The following TENM2 variants were observed in gnomAD, a reference collection of about 807,000 sequenced individuals.
The protein encoded by TENM2 is teneurin-2.
TENM2 carries 52 observed loss-of-function variants against 245.2 expected under a neutral mutation model. That is an observed-to-expected ratio of 0.21 (90% CI 0.17 to 0.27). TENM2 has a LOEUF of 0.27. Among genes scored for constraint, TENM2 ranks in the 10% least tolerant of loss-of-function variants. The pLI is 1.00. For missense variants in TENM2, 3,046 were observed against 3,666.8 expected, an observed-to-expected ratio of 0.83 and a Z score of 4.37; for synonymous variants, 1,363 against 1,438.9, an observed-to-expected ratio of 0.95 and a Z score of 1.19.
chr5:167,767,047 T>A (rs995452781), intron 2 of TENM2, among the ~76,000 whole-genome samples: 1 of 152,214 alleles, frequency 6.6e-6, no homozygotes. Context: ...CACTTTTGTA[T>A]GTATACTTGT....
At chr5:167,221,189 C>T in the TENM2 span, among the ~76,000 whole-genome samples, 1 of 152,142 alleles carries the variant, frequency 6.6e-6, no homozygotes, top group East Asian at 1.9e-4. Flanking sequence ...ATGGTCCCTG[C>T]CTTTTGGGGG....
At chr5:167,847,341 G>C (rs73370925) in intron 2 of TENM2, among the ~76,000 whole-genome samples, 1,567 of 152,246 alleles carry the variant, frequency 0.01, 31 homozygotes, top group African/African-American at 0.035. Flanking sequence ...CACCCACAGT[G>C]AACTCACTTC....
At chr5:167,332,055 A>G (rs1430395889) in intron 1 of TENM2, among the ~76,000 whole-genome samples, 1 of 152,164 alleles carries the variant, frequency 6.6e-6, no homozygotes, top group African/African-American at 2.4e-5. Context: ...CCAACGGGCA[A>G]TTTGTTCAAA....
At position 167,837,229 on chromosome 5, in the gene TENM2, T is replaced by G. The variant is rs536432693; in HGVS notation, c.503-38757T>G. The stretch of plus-strand genomic sequence containing the variant: ...ATTGGTTATTTAAGCATTCCACCCC[T>G]GTTGGATATTAAATTTCTTGGTTTC... On this transcript the variant is annotated intron_variant, in intron 2 of 28. Coordinates refer to ENST00000518659, the Ensembl canonical transcript of TENM2. 3.3e-5 allele frequency among the ~76,000 whole-genome samples: 5 copies of G among 152,320 alleles called. No homozygotes were observed. In the South Asian group the frequency reaches 1.0e-3, roughly 32 times the overall value.
intron 2 of TENM2, among the ~76,000 whole-genome samples, chr5:167,651,085 A>G (rs1158873795): frequency 6.6e-6 from 1 of 151,960 alleles, no homozygotes; most frequent in African/African-American, 2.4e-5. Context: ...ATGTCATCCT[A>G]CTTGAAGTGT....
intron 2 of TENM2, among the ~76,000 whole-genome samples, chr5:167,508,076 G>A (rs1171099674): frequency 1.3e-5 from 2 of 152,090 alleles, no homozygotes; most frequent in African/African-American, 4.8e-5. Flanking sequence ...GAAACGAAAG[G>A]CAGATGTAAT....
At chr5:167,209,368 A>T in the TENM2 span, among the ~76,000 whole-genome samples, 2 of 151,548 alleles carry the variant, frequency 1.3e-5, no homozygotes, top group African/African-American at 4.9e-5. Flanking sequence ...GGTTCAAGCG[A>T]TTCTCCTGCC....
At chr5:167,247,840 G>A in the TENM2 span, among the ~76,000 whole-genome samples, 2 of 152,042 alleles carry the variant, frequency 1.3e-5, no homozygotes, top group South Asian at 2.1e-4. Context: ...TTTTCTGAAG[G>A]AACATGAAAT....
At chr5:167,062,514 T>G in the TENM2 span, among the ~76,000 whole-genome samples, 1 of 121,894 alleles carries the variant, frequency 8.2e-6, no homozygotes, top group Non-Finnish European at 1.7e-5. Flanking sequence ...AAAAAAAAAA[T>G]CTGTGTCTGG....
chr5:167,837,135 C>T (rs924492769), intron 2 of TENM2, among the ~76,000 whole-genome samples: 1 of 151,988 alleles, frequency 6.6e-6, no homozygotes, highest in Non-Finnish European at 1.5e-5. Flanking sequence ...ATATATTTCT[C>T]ACATGATTTA....
exon 5 of TENM2, chr5:167,992,986 C>A: frequency 1.2e-6 from 2 of 1,613,982 alleles, no homozygotes; most frequent in Non-Finnish European, 1.7e-6. Flanking sequence ...CACCCTTGTT[C>A]AGCAGCTCTT....
chr5:167,628,504 G>C (rs1308873089), intron 2 of TENM2, among the ~76,000 whole-genome samples: 1 of 152,106 alleles, frequency 6.6e-6, no homozygotes, highest in Non-Finnish European at 1.5e-5. Flanking sequence ...TACTGTGATA[G>C]TGTTCTACCT....
chr5:168,216,965 C>T, intron 22 of TENM2, 43 bp downstream of exon 24: 2 of 1,605,812 alleles, frequency 1.2e-6, no homozygotes, highest in Non-Finnish European at 8.5e-7. Flanking sequence ...AACACCTGCC[C>T]CTTGGCCTGA....
At chr5:167,148,921 A>G in the TENM2 span, among the ~76,000 whole-genome samples, 1 of 152,224 alleles carries the variant, frequency 6.6e-6, no homozygotes, top group Admixed American at 6.5e-5. Context: ...GAAGAGTGGT[A>G]GGCTTGTGAG....
chr5:168,005,547 G>T (rs1001930457), intron 5 of TENM2, among the ~76,000 whole-genome samples: 3 of 152,164 alleles, frequency 2.0e-5, no homozygotes, highest in African/African-American at 7.2e-5. Context: ...CCAGCTGATT[G>T]AGAAGATACC....
chr5:167,530,921 T>C (rs1445689228), intron 2 of TENM2, among the ~76,000 whole-genome samples: 7 of 152,154 alleles, frequency 4.6e-5, no homozygotes, highest in African/African-American at 9.7e-5. Context: ...CTCTTCCGTC[T>C]GAGTGGAGGA....
At chr5:167,863,880 T>A (rs1006117452) in intron 2 of TENM2, among the ~76,000 whole-genome samples, 1 of 152,170 alleles carries the variant, frequency 6.6e-6, no homozygotes, top group Non-Finnish European at 1.5e-5. Context: ...GAACAATTGT[T>A]CAGGGAGGGT....
intron 2 of TENM2, among the ~76,000 whole-genome samples, chr5:167,454,667 C>T (rs750241621): frequency 3.9e-5 from 6 of 152,250 alleles, no homozygotes; most frequent in South Asian, 2.1e-4. Context: ...TCCACTCAAC[C>T]GTTGGTTCTA....
chr5:167,293,484 T>C (rs1255036250), intron 1 of TENM2, among the ~76,000 whole-genome samples: 1 of 150,988 alleles, frequency 6.6e-6, no homozygotes, highest in African/African-American at 2.4e-5. Flanking sequence ...GCTTCCAAAG[T>C]GCTGGGATTA....
Sources: allele counts gnomAD v4.1 joint callset (sites outside exome capture counted in the v4.1 genomes callset), GRCh38; gene constraint gnomAD v4.1.1; transcripts MANE v1.5; gene names NCBI Gene and HGNC (gene_info 2026-07-23, HGNC 2026-07-21).